The following DYNLT2B variants were observed in gnomAD, a reference collection of about 807,000 sequenced individuals.
DYNLT2B encodes dynein light chain Tctex-type protein 2B.
Under a neutral mutation model 19.5 loss-of-function variants are expected in DYNLT2B, and 14 were observed. The observed-to-expected ratio is 0.72, with a 90% CI of 0.47 to 1.12. The LOEUF is 1.12. Ranked by LOEUF, DYNLT2B falls within the 50% of genes most tolerant of loss-of-function variation. DYNLT2B has a pLI of 0.00. For synonymous variants in DYNLT2B, 70 were observed against 59.7 expected (o/e 1.17, Z -0.79); for missense variants, 133 against 174.7 (o/e 0.76, Z 1.35).
chr3:196,303,522 T>C (rs995532300), intron 3 of DYNLT2B, among the ~76,000 whole-genome samples: 1 of 152,192 alleles, frequency 6.6e-6, no homozygotes, highest in East Asian at 1.9e-4. Context: ...GTACCATTGA[T>C]ATGATATGAC....
chr3:196,311,018 G>A (rs1726625848), intron 2 of DYNLT2B, among the ~76,000 whole-genome samples: 1 of 152,056 alleles, frequency 6.6e-6, no homozygotes, highest in Non-Finnish European at 1.5e-5. Flanking sequence ...TTACAGGTGT[G>A]AGCCACGGCA....
intron 2 of DYNLT2B, among the ~76,000 whole-genome samples, chr3:196,313,795 T>C (rs544868461): frequency 1.1e-4 from 17 of 152,214 alleles, no homozygotes; most frequent in African/African-American, 3.9e-4. Flanking sequence ...TGCCTTTGGT[T>C]AATATTTTAA....
Position 196,308,430 on chromosome 3 carries a change from G to A in DYNLT2B, c.248-1418C>T, listed in dbSNP as rs57164208. On this transcript the variant is annotated intron_variant, in intron 2 of 4. Coordinates refer to ENST00000325318, the MANE Select transcript of DYNLT2B (RefSeq NM_152773.5). Reference sequence around the variant, plus strand: ...AAAAATGAAGATTCCAGAGCAAAACGAGGTGATCCAGCACCATTTAGCTGT... The same window carrying A: ...AAAAATGAAGATTCCAGAGCAAAACAAGGTGATCCAGCACCATTTAGCTGT... Among the ~76,000 whole-genome samples, 720 of 152,276 alleles carry A rather than the reference G, an allele frequency of 4.7e-3. 8 individuals carry two copies. Among genetic ancestry groups the A allele is most frequent in the African/African-American group, 0.016 (675 of 41,534 alleles).
rs1391480311 is a variant in DYNLT2B at position 196,317,891 on chromosome 3, G to GCCGC, written c.113+145_113+148dup. On this transcript the variant is annotated intron_variant, in intron 1 of 4. Coordinates refer to ENST00000325318, the MANE Select transcript of DYNLT2B (RefSeq NM_152773.5). ...AGGGGCGCCCGGACGTCACAGCAGGGCCGCCCGCCCGCCTCGCGGCCTCCC... is the reference window on the plus strand; with the variant it reads ...AGGGGCGCCCGGACGTCACAGCAGGGCCGCCCGCCCGCCCGCCTCGCGGCCTCCC... The GCCGC allele has an allele frequency of 5.5e-5, 19 of 346,598 alleles. No individual in the cohort carries two copies. The East Asian group carries it at 7.4e-4, about 14-fold the overall frequency. 21.5% of individuals were successfully genotyped at this position (346,598 alleles called of 1,614,324 possible).
intron 3 of DYNLT2B, among the ~76,000 whole-genome samples, chr3:196,299,744 ACGTGGTGAAACCC>A (rs1726304967): frequency 6.6e-6 from 1 of 151,522 alleles, no homozygotes; most frequent in Non-Finnish European, 1.5e-5. Flanking sequence ...ATCCTGGCTA[ACGTGGTGAAACCC>A]CGTCTCTACT....
chr3:196,318,062 G>T lies in DYNLT2B; in HGVS notation c.91C>A (p.Leu31Met). The change falls in exon 1 of 5, where the codon CTG becomes ATG. Residue 31 changes from leucine to methionine, a missense_variant. Physicochemically the swap from Leu to Met is conservative, Grantham distance 15 (BLOSUM62 2). Coordinates refer to ENST00000325318, the MANE Select transcript of DYNLT2B (RefSeq NM_152773.5). ...CGCCTCTGCTGGAAAACAGGCCGCA[G>T]AATATAGGTGTTCTCGGGCTCCCCT... ...NAGEPENTYI[L>M]RPVFQQRFRP... The T allele has an allele frequency of 6.4e-7, 1 of 1,557,014 alleles. No homozygotes were observed.
chr3:196,312,640 G>T (rs772703527), intron 2 of DYNLT2B, among the ~76,000 whole-genome samples: 2 of 151,714 alleles, frequency 1.3e-5, no homozygotes, highest in African/African-American at 2.4e-5. Context: ...TGTATTTTTC[G>T]TAGAGACGGG....
At position 196,291,357 on chromosome 3, in the gene DYNLT2B, A is replaced by G; in HGVS notation, c.399T>C (p.Val133=). 6.2e-7 allele frequency: 1 copy of G among 1,610,922 alleles called. No individual in the cohort carries two copies. Among genetic ancestry groups the G allele is most frequent in the South Asian group, 1.1e-5 (1 of 90,268 alleles). The part of the protein sequence containing the change: ...DVFMNDSLFC[V]VAAFGCFYY ...AGTAGAAACAGCCAAATGCTGCTAC[A>G]ACGCAGAATAAACTGTCCTAAAAAA... The change falls in exon 5 of 5, where the codon GTT becomes GTC. Residue 133 remains valine, a synonymous_variant. Coordinates refer to ENST00000325318, the MANE Select transcript of DYNLT2B (RefSeq NM_152773.5).
chr3:196,302,234 G>T (rs531111436), intron 3 of DYNLT2B, among the ~76,000 whole-genome samples: 1 of 152,148 alleles, frequency 6.6e-6, no homozygotes, highest in African/African-American at 2.4e-5. Context: ...AAAAGAGAGC[G>T]GAGTGGAAGG....
At chr3:196,294,111 G>A (rs886601897) in intron 4 of DYNLT2B, among the ~76,000 whole-genome samples, 3 of 152,028 alleles carry the variant, frequency 2.0e-5, no homozygotes, top group Non-Finnish European at 4.4e-5. Flanking sequence ...CAGAACTCTG[G>A]GAGGCCGAGG....
intron 4 of DYNLT2B, among the ~76,000 whole-genome samples, chr3:196,293,863 T>C (rs2108789666): frequency 6.7e-6 from 1 of 150,322 alleles, no homozygotes; most frequent in East Asian, 2.1e-4. Context: ...CAGGATGGTC[T>C]CAATCTCTTG....
At chr3:196,316,256 C>G (rs767114123) in intron 1 of DYNLT2B, 25 bp from the exon 2 acceptor site, 2 of 1,592,360 alleles carry the variant, frequency 1.3e-6, no homozygotes, top group Non-Finnish European at 1.7e-6. Flanking sequence ...TTGTGAACAT[C>G]CAGTCGGTGA....
chr3:196,302,082 G>T (rs1407109080), intron 3 of DYNLT2B, among the ~76,000 whole-genome samples: 1 of 152,134 alleles, frequency 6.6e-6, no homozygotes, highest in Non-Finnish European at 1.5e-5. Flanking sequence ...ACTCCAGCCT[G>T]GGTGACAGAG....
chr3:196,304,541 A>G (rs1726438848), intron 3 of DYNLT2B, among the ~76,000 whole-genome samples: 1 of 152,112 alleles, frequency 6.6e-6, no homozygotes, highest in Non-Finnish European at 1.5e-5. Context: ...CCAGGACTTT[A>G]GAAGGCCGAG....
chr3:196,299,376 T>A (rs1330607671), intron 3 of DYNLT2B, among the ~76,000 whole-genome samples: 3 of 151,866 alleles, frequency 2.0e-5, no homozygotes, highest in Admixed American at 2.0e-4. Context: ...TGAGCCACTG[T>A]GCTTGGCCCT....
intron 2 of DYNLT2B, among the ~76,000 whole-genome samples, chr3:196,309,999 C>T (rs1726592987): frequency 6.6e-6 from 1 of 150,984 alleles, no homozygotes; most frequent in Non-Finnish European, 1.5e-5. Flanking sequence ...GGAAGTAATA[C>T]AAATCAAGGA....
chr3:196,297,367 A>G (rs994832573), intron 3 of DYNLT2B, among the ~76,000 whole-genome samples: 3 of 151,962 alleles, frequency 2.0e-5, no homozygotes, highest in African/African-American at 7.3e-5. Context: ...TCTACTAAAA[A>G]TACAAAAATT....
intron 3 of DYNLT2B, among the ~76,000 whole-genome samples, chr3:196,296,746 G>GT (rs998333193): frequency 1.3e-5 from 2 of 152,138 alleles, no homozygotes; most frequent in Non-Finnish European, 2.9e-5. Flanking sequence ...GAAATTCTAT[G>GT]TAGACCTTAA....
At chr3:196,316,036 G>A (rs1577395499) in intron 2 of DYNLT2B, 62 bp downstream of exon 2, 3 of 1,554,692 alleles carry the variant, frequency 1.9e-6, no homozygotes, top group Non-Finnish European at 2.6e-6. Flanking sequence ...TGGAGAGGGG[G>A]CAAATGGGTA....
Sources: allele counts gnomAD v4.1 joint callset (sites outside exome capture counted in the v4.1 genomes callset), GRCh38; gene constraint gnomAD v4.1.1; transcripts MANE v1.5; gene names NCBI Gene and HGNC (gene_info 2026-07-23, HGNC 2026-07-21).